Variants in PSORS1C1 observed in about 807,000 individuals in gnomAD.
The protein encoded by PSORS1C1 is psoriasis susceptibility 1 candidate gene 1 protein.
A neutral mutation model predicts 9.4 loss-of-function variants in PSORS1C1; 7 were observed. The ratio of observed to expected loss-of-function variants is 0.75; its 90% confidence interval spans 0.42 to 1.40. The LOEUF is 1.40. Ranked by LOEUF, PSORS1C1 falls within the 40% of genes most tolerant of loss-of-function variation. The probability of loss-of-function intolerance (pLI) is 0.01; values close to 1 mark genes in which losing one functional copy is unlikely to be tolerated. For synonymous variants in PSORS1C1, 63 were observed against 69.4 expected, an observed-to-expected ratio of 0.91 and a Z score of 0.46; for missense variants, 146 against 178.1, an observed-to-expected ratio of 0.82 and a Z score of 1.02.
At chr6:31,122,901 G>A (rs2150963774) in intron 1 of PSORS1C1, among the ~76,000 whole-genome samples, 1 of 152,278 alleles carries the variant, frequency 6.6e-6, no homozygotes, top group African/African-American at 2.4e-5. Context: ...GGTAATGAGG[G>A]GAGTGGCAGA....
chr6:31,115,733 G>A lies in PSORS1C1; in HGVS notation c.-229+842G>A, dbSNP rs1047757765. ...ATGGACCATTTCCACACAGTAGAGG[G>A]AATTGTAAGGGGTGGTGATCTGGCT... On this transcript the variant is annotated intron_variant, in intron 1 of 5. Coordinates refer to ENST00000259881, the MANE Select transcript of PSORS1C1 (RefSeq NM_014068.3). The surrounding 1 kb of genome is among the most constrained non-coding windows in gnomAD (Gnocchi z 4.2). The A allele has an allele frequency of 4.0e-6, 2 of 500,502 alleles. No individual in the cohort carries two copies. Among genetic ancestry groups the A allele is most frequent in the African/African-American group, 3.8e-5 (2 of 52,610 alleles). The allele number at this position is 500,502 out of a possible 1,614,324, so 31.0% of individuals were successfully genotyped here.
intron 3 of PSORS1C1, among the ~76,000 whole-genome samples, chr6:31,130,390 G>A (rs1161503078): frequency 2.0e-5 from 3 of 147,772 alleles, no homozygotes; most frequent in Non-Finnish European, 4.5e-5. Flanking sequence ...CTACAGGCAT[G>A]CACTACCATG....
intron 2 of PSORS1C1, among the ~76,000 whole-genome samples, chr6:31,127,224 G>A (rs1772719546): frequency 1.3e-5 from 2 of 152,134 alleles, no homozygotes; most frequent in Admixed American, 6.5e-5. Flanking sequence ...GGCCCTTGGA[G>A]CGCCTAGGAA....
In PSORS1C1 at chr6:31,139,787, C is replaced by G; in HGVS notation, c.314C>G (p.Pro105Arg). The part of the protein sequence containing the change: ...ELFASVLPMA[P>R]EEAARLQQPQ... ...TTTGCATCAGTCCTGCCAATGGCTC[C>G]GGAAGAAGCTGCCAGGCTCCAGCAA... Residue 105 changes from proline to arginine, a missense_variant, in exon 6 of 6, where the codon CCG becomes CGG. Transcript: ENST00000259881. This position sits in a 1 kb window ranked among gnomAD's most constrained non-coding sequence, Gnocchi z 5.2. 1 of 1,613,086 alleles carries G rather than the reference C, an allele frequency of 6.2e-7. No individual in the cohort carries two copies. The highest frequency in any genetic ancestry group is 8.5e-7 in the Non-Finnish European group (1 of 1,180,024).
chr6:31,139,039 G>T lies in PSORS1C1; in HGVS notation c.167+260G>T. On this transcript the variant is annotated intron_variant, in intron 5 of 5. Transcript: ENST00000259881. This position sits in a 1 kb window ranked among gnomAD's most constrained non-coding sequence, Gnocchi z 5.2. ...AGTTGAGGATCATGGCTATGTACTG[G>T]CCCCCAAAGCTGGGGTGGGCTGAGT... 6.2e-7 allele frequency: 1 copy of T among 1,613,692 alleles called. No individual in the cohort carries two copies. Among genetic ancestry groups the T allele is most frequent in the Non-Finnish European group, 8.5e-7 (1 of 1,179,670 alleles).
intron 1 of PSORS1C1, chr6:31,116,588 G>T (rs1401660441): frequency 6.2e-7 from 1 of 1,613,732 alleles, no homozygotes; most frequent in Non-Finnish European, 8.5e-7. Flanking sequence ...GAGATGGGGG[G>T]CCCAGCTGCA....
intron 1 of PSORS1C1, among the ~76,000 whole-genome samples, chr6:31,123,265 C>A (rs558662115): frequency 9.2e-5 from 14 of 152,272 alleles, no homozygotes; most frequent in African/African-American, 2.9e-4. Context: ...TACTGTCCTG[C>A]CCACCTGTGG....
intron 3 of PSORS1C1, among the ~76,000 whole-genome samples, chr6:31,136,888 C>T (rs935391392): frequency 3.3e-5 from 5 of 152,212 alleles, no homozygotes; most frequent in African/African-American, 9.6e-5. Context: ...CGGTGGCTCA[C>T]GCCTGTAATC....
In PSORS1C1 at chr6:31,139,091, T is replaced by C; in HGVS notation, c.167+312T>C. 2.1e-6 allele frequency: 3 copies of C among 1,417,036 alleles called. No individual in the cohort carries two copies. Among genetic ancestry groups the C allele is most frequent in the Non-Finnish European group, 2.0e-6 (2 of 1,003,000 alleles). 87.8% of individuals were successfully genotyped at this position (1,417,036 alleles called of 1,614,324 possible). A position where few individuals can be genotyped will look rare whatever the true frequency, so the allele number is the denominator to read the frequency against. ...TGGGTGCCTGGGAACCCCAAGAGGC[T>C]TTATAGGGGAGGAGTGGAGGAGGGA... On this transcript the variant is annotated intron_variant, in intron 5 of 5. Coordinates refer to ENST00000259881, the MANE Select transcript of PSORS1C1 (RefSeq NM_014068.3). This position sits in a 1 kb window ranked among gnomAD's most constrained non-coding sequence, Gnocchi z 5.2.
At chr6:31,137,305 A>G (rs932122911) in intron 3 of PSORS1C1, among the ~76,000 whole-genome samples, 2 of 89,826 alleles carry the variant, frequency 2.2e-5, no homozygotes, top group Non-Finnish European at 5.5e-5. Context: ...AAAATACAAA[A>G]AATTAGCCTG....
At chr6:31,120,492 C>G in intron 1 of PSORS1C1, 1 of 1,297,506 alleles carries the variant, frequency 7.7e-7, no homozygotes, top group Non-Finnish European at 1.1e-6. Context: ...GCTGGACATT[C>G]CCTGGGCAGG....
intron 1 of PSORS1C1, among the ~76,000 whole-genome samples, chr6:31,122,439 A>G (rs538598437): frequency 1.3e-5 from 2 of 152,246 alleles, no homozygotes; most frequent in African/African-American, 4.8e-5. Flanking sequence ...CCTGCCTTGT[A>G]TAGAGGTGCA....
Position 31,139,413 on chromosome 6 carries a change from A to ATGGGCGTTGGGAAGCACC in PSORS1C1, c.168-227_168-210dup, listed in dbSNP as rs1773333989. 1 of 595,162 alleles carries ATGGGCGTTGGGAAGCACC rather than the reference A, an allele frequency of 1.7e-6. No individual in the cohort carries two copies. The highest frequency in any genetic ancestry group is 3.0e-5 in the Admixed American group (1 of 33,814). The allele number at this position is 595,162 out of a possible 1,614,324, so 36.9% of individuals were successfully genotyped here. A position where few individuals can be genotyped will look rare whatever the true frequency, so the allele number is the denominator to read the frequency against. ...CCAAAGAATGGGAGCAAACCACGCG[A>ATGGGCGTTGGGAAGCACC]TGGGCGTTGGGAAGCACCGTAATTA... On this transcript the variant is annotated intron_variant, in intron 5 of 5. Coordinates refer to ENST00000259881, the MANE Select transcript of PSORS1C1 (RefSeq NM_014068.3). This position sits in a 1 kb window ranked among gnomAD's most constrained non-coding sequence, Gnocchi z 5.2.
chr6:31,128,953 A>G lies in PSORS1C1; in HGVS notation c.-64-616A>G, dbSNP rs950286012. Among the ~76,000 whole-genome samples the G allele has an allele frequency of 6.6e-6, 1 of 152,194 alleles. No homozygotes were observed. Among genetic ancestry groups the G allele is most frequent in the African/African-American group, 2.4e-5 (1 of 41,452 alleles). On this transcript the variant is annotated intron_variant, in intron 2 of 5. Transcript: ENST00000259881. This position sits in a 1 kb window ranked among gnomAD's most constrained non-coding sequence, Gnocchi z 4.3. Reference sequence around the variant, plus strand: ...GTCACCATCACATAGCACCCCACAGAGCAGATGCTCAATGAATGTTGATTG... The same window carrying G: ...GTCACCATCACATAGCACCCCACAGGGCAGATGCTCAATGAATGTTGATTG...
At position 31,138,726 on chromosome 6, in the gene PSORS1C1, C is replaced by G. The variant is rs1403213150; in HGVS notation, c.114C>G (p.Pro38=). ...ATCCCAGCTCCGAGGAAACTCGTCC[C>G]CCCCACGTTAATCCTGACCGACTTT... ...NTDPSSEETR[P]PHVNPDRLCH... is the part of the protein sequence containing the mutation. Residue 38 remains proline, a synonymous_variant, in exon 5 of 6, where the codon CCC becomes CCG. Coordinates refer to ENST00000259881, the MANE Select transcript of PSORS1C1 (RefSeq NM_014068.3). 2 of 1,613,800 alleles carry G rather than the reference C, an allele frequency of 1.2e-6. No individual in the cohort carries two copies. Among genetic ancestry groups the G allele is most frequent in the Non-Finnish European group, 1.7e-6 (2 of 1,180,000 alleles).
chr6:31,127,896 T>C (rs1772755459), intron 2 of PSORS1C1, among the ~76,000 whole-genome samples: 1 of 152,204 alleles, frequency 6.6e-6, no homozygotes, highest in Non-Finnish European at 1.5e-5. Context: ...CATTCATCAC[T>C]AGGTGACATC....
intron 3 of PSORS1C1, among the ~76,000 whole-genome samples, chr6:31,133,163 G>A (rs1772994606): frequency 6.6e-6 from 1 of 152,238 alleles, no homozygotes; most frequent in African/African-American, 2.4e-5. Flanking sequence ...AAATGGTAAA[G>A]GGGTTCAAGA....
At chr6:31,121,815 T>C (rs1772475469) in intron 1 of PSORS1C1, among the ~76,000 whole-genome samples, 1 of 152,250 alleles carries the variant, frequency 6.6e-6, no homozygotes, top group Admixed American at 6.5e-5. Context: ...GTCTGTGCTG[T>C]CCGATACGGT....
intron 3 of PSORS1C1, 23 bp from the exon 4 acceptor site, chr6:31,138,407 A>T (rs1228331127): frequency 1.9e-6 from 3 of 1,584,296 alleles, no homozygotes; most frequent in East Asian, 2.3e-5. Context: ...GGATGGACGC[A>T]GCCTGAACTG....
Sources: allele counts gnomAD v4.1 joint callset (sites outside exome capture counted in the v4.1 genomes callset), GRCh38; gene constraint gnomAD v4.1.1; non-coding constraint Gnocchi (gnomAD v3.1); transcripts MANE v1.5; gene names NCBI Gene and HGNC (gene_info 2026-07-23, HGNC 2026-07-21).